ANKRD50: variants seen among roughly 807,000 people sequenced by gnomAD.
ANKRD50 encodes ankyrin repeat domain-containing protein 50.
Under a neutral mutation model 112.0 loss-of-function variants are expected in ANKRD50, and 40 were observed. The observed-to-expected ratio is 0.36, with a 90% confidence interval of 0.28 to 0.46. The LOEUF (loss-of-function observed/expected upper bound fraction) is 0.46. ANKRD50 is among the 20% of genes least tolerant of loss of function. The probability of loss-of-function intolerance (pLI) is 1.00; values close to 1 mark genes in which losing one functional copy is unlikely to be tolerated. For missense variants in ANKRD50, 1,487 were observed against 1,701.7 expected, an observed-to-expected ratio of 0.87 and a Z score of 2.22; for synonymous variants, 613 against 619.1, an observed-to-expected ratio of 0.99 and a Z score of 0.15.
intron 2 of ANKRD50, among the ~76,000 whole-genome samples, chr4:124,680,806 AAGG>A (rs1339391744): frequency 6.6e-6 from 1 of 152,030 alleles, no homozygotes; most frequent in African/African-American, 2.4e-5. Flanking sequence ...GAGCCAGGAG[AAGG>A]AGTTTAGTCA....
intron 2 of ANKRD50, among the ~76,000 whole-genome samples, chr4:124,689,704 T>C (rs13110120): frequency 0.21 from 32,222 of 152,084 alleles, 3,768 homozygotes; most frequent in African/African-American, 0.32. Context: ...CTCAGGCCTC[T>C]GGGCTCCACT....
rs990430487 is a variant in ANKRD50 at position 124,671,379 on chromosome 4, G to C, written c.1898C>G (p.Ala633Gly). ...HTEVVSALLY[A>G]GVKVDCADAD... ...ATCTGCACAATCCACTTTTACGCCA[G>C]CATAAAGTAGTGCAGAAACTACCTC... The change falls in exon 4 of 5, where the codon GCT becomes GGT. Residue 633 changes from alanine (A) to glycine (G), a missense_variant. Around this residue, in one of 2 missense-constraint regions of ANKRD50, gnomAD observed 1,046 missense variants for 1,269.5 expected, o/e 0.82. Coordinates refer to ENST00000504087, the MANE Select transcript of ANKRD50 (RefSeq NM_020337.3). 1 of 1,613,698 alleles carries C rather than the reference G, an allele frequency of 6.2e-7. No homozygotes were observed. Among genetic ancestry groups the C allele is most frequent in the Non-Finnish European group, 8.5e-7 (1 of 1,179,858 alleles).
intron 2 of ANKRD50, among the ~76,000 whole-genome samples, chr4:124,686,079 T>A (rs1006035484): frequency 6.6e-6 from 1 of 152,212 alleles, no homozygotes; most frequent in Non-Finnish European, 1.5e-5. Context: ...ATTGTTCTTT[T>A]TCTTTGATAC....
rs1386374134 is a variant in ANKRD50 at position 124,712,527 on chromosome 4, G to C, written c.-833C>G. The C allele has an allele frequency of 6.5e-6, 1 of 152,826 alleles. No homozygotes were observed. The highest frequency in any genetic ancestry group is 1.5e-5 in the Non-Finnish European group (1 of 68,214). 9.5% of individuals were successfully genotyped at this position (152,826 alleles called of 1,614,324 possible). Reference sequence around the variant, plus strand: ...ACTCTCAGTCTCAGACACTTGCTTCGCTGAGAAGTCGCTGCCAGCAGCGCT... The same window carrying C: ...ACTCTCAGTCTCAGACACTTGCTTCCCTGAGAAGTCGCTGCCAGCAGCGCT... On this transcript the variant is annotated 5_prime_UTR_variant, in exon 1 of 5. Transcript: ENST00000504087.
intron 2 of ANKRD50, among the ~76,000 whole-genome samples, chr4:124,686,556 G>A (rs1242673798): frequency 5.3e-5 from 8 of 152,136 alleles, no homozygotes; most frequent in Non-Finnish European, 1.2e-4. Context: ...AGGAGTGGGT[G>A]GGGAGGAATA....
intron 4 of ANKRD50, 130 bp from the exon 5 acceptor site, chr4:124,667,644 C>A (rs898240003): frequency 6.6e-6 from 1 of 152,046 alleles, no homozygotes; most frequent in South Asian, 2.1e-4. Flanking sequence ...AAGCACAAAG[C>A]AGACTTAACT....
intron 2 of ANKRD50, among the ~76,000 whole-genome samples, chr4:124,680,387 A>C (rs781492692): frequency 3.9e-5 from 6 of 152,188 alleles, no homozygotes; most frequent in Non-Finnish European, 5.9e-5. Context: ...ACAAGATAAA[A>C]AGAAATGACC....
Position 124,673,622 on chromosome 4 carries a change from G to A in ANKRD50, c.743-1088C>T, listed in dbSNP as rs1215969862. On this transcript the variant is annotated intron_variant, in intron 3 of 4. Coordinates refer to ENST00000504087, the MANE Select transcript of ANKRD50 (RefSeq NM_020337.3). ...TGTTTGGTGAATGTGGAGAAGTAAA[G>A]AGAGAAGGACGAGTCAAAGCTGACA... Among the ~76,000 whole-genome samples, 3 of 152,070 alleles carry A rather than the reference G, an allele frequency of 2.0e-5. No individual in the cohort carries two copies. The East Asian group carries it at 5.8e-4, about 29-fold the overall frequency.
rs1217803415 is a variant in ANKRD50, at chr4:124,711,058, G to A, written c.-547C>T. ...TTCTCGTTGAAGGATGATCACTCAA[G>A]AGTACTAGATCGTGCCAGTTTCAGG... On this transcript the variant is annotated 5_prime_UTR_variant, in exon 2 of 5. Coordinates refer to ENST00000504087, the MANE Select transcript of ANKRD50 (RefSeq NM_020337.3). 3.4e-6 allele frequency: 1 copy of A among 294,336 alleles called. No individual in the cohort carries two copies. Among genetic ancestry groups the A allele is most frequent in the Non-Finnish European group, 6.2e-6 (1 of 161,168 alleles). 18.2% of individuals were successfully genotyped at this position (294,336 alleles called of 1,614,324 possible). A position where few individuals can be genotyped will look rare whatever the true frequency, so the allele number is the denominator to read the frequency against.
intron 2 of ANKRD50, among the ~76,000 whole-genome samples, chr4:124,697,508 G>A (rs764217861): frequency 1.3e-5 from 2 of 152,066 alleles, no homozygotes; most frequent in Non-Finnish European, 2.9e-5. Context: ...CAAGAAAGCA[G>A]GTAAGTTATA....
Position 124,664,409 on chromosome 4 carries a change from CAACT to C in ANKRD50, c.*3105_*3108del, listed in dbSNP as rs1225666595. 2.6e-5 allele frequency: 4 copies of C among 152,312 alleles called. No individual in the cohort carries two copies. The highest frequency in any genetic ancestry group is 5.9e-5 in the Non-Finnish European group (4 of 67,878). 9.4% of individuals were successfully genotyped at this position (152,312 alleles called of 1,614,324 possible). A position where few individuals can be genotyped will look rare whatever the true frequency, so the allele number is the denominator to read the frequency against. On this transcript the variant is annotated 3_prime_UTR_variant, in exon 5 of 5. Coordinates refer to ENST00000504087, the MANE Select transcript of ANKRD50 (RefSeq NM_020337.3). ...ATTTATTTAAGATAATAACTTAAAA[CAACT>C]AACAGTTGTTTATGCTATATGCATA... is the stretch of plus-strand genomic sequence containing the variant.
intron 2 of ANKRD50, among the ~76,000 whole-genome samples, chr4:124,691,484 G>A (rs529405772): frequency 1.3e-3 from 152 of 113,540 alleles, no homozygotes; most frequent in Admixed American, 2.3e-3. Context: ...GGGCGACAGA[G>A]CGAGACTCCG....
In ANKRD50 at chr4:124,666,989, TGC is replaced by T. The variant is rs1730506619; in HGVS notation, c.*527_*528del. 6.6e-6 allele frequency: 1 copy of T among 152,038 alleles called. No homozygotes were observed. Among genetic ancestry groups the T allele is most frequent in the African/African-American group, 2.4e-5 (1 of 41,434 alleles). 9.4% of individuals were successfully genotyped at this position (152,038 alleles called of 1,614,324 possible). On this transcript the variant is annotated 3_prime_UTR_variant, in exon 5 of 5. Transcript: ENST00000504087. ...TATATAGAAAATGATTTTTATCCAATGCTGAAGGTGTAGTGAACATAGAACAG... is the reference window on the plus strand; with the variant it reads ...TATATAGAAAATGATTTTTATCCAATTGAAGGTGTAGTGAACATAGAACAG...
intron 2 of ANKRD50, among the ~76,000 whole-genome samples, chr4:124,685,644 G>A (rs1194249657): frequency 3.3e-5 from 5 of 152,050 alleles, no homozygotes; most frequent in African/African-American, 1.2e-4. Flanking sequence ...AGATAACACT[G>A]TATTTAAAAG....
Position 124,664,906 on chromosome 4 carries a change from T to C in ANKRD50, c.*2612A>G, listed in dbSNP as rs1730452687. ...AACATTCAGATTTTTATTTCATTAC[T>C]GTATTTTTATCACTTTCCTTATTAT... On this transcript the variant is annotated 3_prime_UTR_variant, in exon 5 of 5. Transcript: ENST00000504087. The C allele has an allele frequency of 6.6e-6, 1 of 151,958 alleles. No homozygotes were observed. The allele number at this position is 151,958 out of a possible 1,614,324, so 9.4% of individuals were successfully genotyped here.
intron 2 of ANKRD50, among the ~76,000 whole-genome samples, chr4:124,696,067 G>A (rs1037632908): frequency 3.3e-5 from 5 of 151,932 alleles, no homozygotes; most frequent in African/African-American, 1.2e-4. Context: ...AGATGCAGAC[G>A]AATAATGCAA....
In ANKRD50 at chr4:124,710,095, T is replaced by C. The variant is rs75015443; in HGVS notation, c.417A>G (p.Leu139=). The C allele has an allele frequency of 2.7e-3, 4,298 of 1,614,106 alleles. 106 individuals carry two copies. The African/African-American group carries it at 0.049, about 18-fold the overall frequency. The change falls in exon 2 of 5, where the codon CTA becomes CTG. Residue 139 remains leucine, a synonymous_variant. Coordinates refer to ENST00000504087, the MANE Select transcript of ANKRD50 (RefSeq NM_020337.3). ...GLVAQICRSG[L]LQGYEDKLRD... ...TTAGCTTGTCCTCATATCCTTGGAG[T>C]AGTCCACTGCGGCAGATCTGGGCTA...
At position 124,671,744 on chromosome 4, in the gene ANKRD50, G is replaced by A. The variant is rs149516198; in HGVS notation, c.1533C>T (p.Asp511=). Residue 511 remains aspartate (D), a synonymous_variant, in exon 4 of 5, where the codon GAC becomes GAT. Transcript: ENST00000504087. ...GTCGAACTATGCATGATGTGCGATCGTCTTCACTGTTGACATGAGCCCCAG... is the reference window on the plus strand; with the variant it reads ...GTCGAACTATGCATGATGTGCGATCATCTTCACTGTTGACATGAGCCCCAG... ...VKAGAHVNSE[D]DRTSCIVRQA... 86 of 1,613,706 alleles carry A rather than the reference G, an allele frequency of 5.3e-5. No individual in the cohort carries two copies. The highest frequency in any genetic ancestry group is 2.7e-4 in the South Asian group (25 of 91,086).
At chr4:124,691,175 C>A (rs1172107408) in intron 2 of ANKRD50, among the ~76,000 whole-genome samples, 1 of 152,180 alleles carries the variant, frequency 6.6e-6, no homozygotes, top group East Asian at 1.9e-4. Flanking sequence ...TTATTCTGCA[C>A]TTGTTTGTTA....
Sources: allele counts gnomAD v4.1 joint callset (sites outside exome capture counted in the v4.1 genomes callset), GRCh38; gene constraint gnomAD v4.1.1; regional missense constraint gnomAD v4.1.1; transcripts MANE v1.5; gene names NCBI Gene and HGNC (gene_info 2026-07-23, HGNC 2026-07-21).